Variants in ARID1B observed in about 807,000 individuals in gnomAD.
The protein encoded by ARID1B is AT-rich interaction domain 1B, also known as AT-rich interactive domain-containing protein 1B.
A neutral mutation model predicts 212.3 loss-of-function variants in ARID1B; 30 were observed. The ratio of observed to expected loss-of-function variants is 0.14; its 90% CI spans 0.11 to 0.19. The LOEUF is 0.19. Ranked by LOEUF, ARID1B falls within the 10% of genes least tolerant of loss-of-function variation. The pLI is 1.00. For synonymous variants in ARID1B, 1,402 were observed against 1,301.7 expected (o/e 1.08, Z -1.66); for missense variants, 2,891 against 3,204.0 (o/e 0.90, Z 2.36).
At chr6:156,908,176 C>G (rs1789561575) in intron 3 of ARID1B, among the ~76,000 whole-genome samples, 1 of 152,140 alleles carries the variant, frequency 6.6e-6, no homozygotes, top group African/African-American at 2.4e-5. Context: ...GCTGGGATTA[C>G]AGGCATGAAC....
chr6:156,916,956 C>T (rs1790406657), intron 3 of ARID1B, among the ~76,000 whole-genome samples: 2 of 152,186 alleles, frequency 1.3e-5, no homozygotes, highest in Non-Finnish European at 2.9e-5. Flanking sequence ...AGGGGGCTGT[C>T]TGTCAGTACC....
intron 8 of ARID1B, among the ~76,000 whole-genome samples, chr6:157,157,632 AG>A (rs1790660381): frequency 6.6e-6 from 1 of 152,220 alleles, no homozygotes; most frequent in Non-Finnish European, 1.5e-5. Flanking sequence ...AGTAGCAGTA[AG>A]GAGTATGAGA....
At chr6:156,808,782 A>G (rs1180943513) in intron 1 of ARID1B, among the ~76,000 whole-genome samples, 5 of 152,212 alleles carry the variant, frequency 3.3e-5, no homozygotes, top group Admixed American at 2.0e-4. Context: ...TAAAATATCA[A>G]TGCTCTTATT....
intron 2 of ARID1B, among the ~76,000 whole-genome samples, chr6:156,855,195 T>C (rs1784832158): frequency 6.6e-6 from 1 of 152,246 alleles, no homozygotes; most frequent in Admixed American, 6.5e-5. Context: ...GTAATACTAT[T>C]ATCTAAGTTA....
At chr6:157,074,209 A>T (rs1583260093) in intron 4 of ARID1B, among the ~76,000 whole-genome samples, 1 of 152,112 alleles carries the variant, frequency 6.6e-6, no homozygotes, top group East Asian at 1.9e-4. Context: ...AGATTTTCAG[A>T]TTGTTTTTTG....
Position 157,084,721 on chromosome 6 carries a change from A to C in ARID1B, c.2307A>C (p.Ala769=), listed in dbSNP as rs376143843. The C allele has an allele frequency of 1.5e-5, 25 of 1,614,040 alleles. No homozygotes were observed. In the African/African-American group the frequency reaches 2.9e-4, roughly 19 times the overall value. The change falls in exon 5 of 20, where the codon GCA becomes GCC. Residue 769 remains alanine, a synonymous_variant. Coordinates refer to ENST00000636930, the MANE Select transcript of ARID1B (RefSeq NM_001374828.1). ...PTGTEATLSS[A]VSASGSTSSQ... is the part of the protein sequence containing the mutation. ...GAACGGAAGCAACTTTGAGCTCAGC[A>C]GTCAGTGCATCCGGGTCCACGAGCA...
At position 156,895,196 on chromosome 6, in the gene ARID1B, G is replaced by T. The variant is rs188357640; in HGVS notation, c.1987-6180G>T. 2.6e-3 allele frequency among the ~76,000 whole-genome samples: 397 copies of T among 152,306 alleles called. 1 individual carries two copies. Among genetic ancestry groups the T allele is most frequent in the South Asian group, 3.3e-3 (16 of 4,822 alleles). On this transcript the variant is annotated intron_variant, in intron 2 of 19. Transcript: ENST00000636930. ...TTTTTAAATTATAGAACTCATTTCT[G>T]TGTGATATTCTATAGAATTAGTGTC...
chr6:156,815,640 CAT>C (rs761769655), intron 1 of ARID1B, among the ~76,000 whole-genome samples: 15 of 152,178 alleles, frequency 9.9e-5, no homozygotes, highest in Non-Finnish European at 1.8e-4. Flanking sequence ...CAAAGCTTCA[CAT>C]GAGAGGCCCA....
Position 157,203,980 on chromosome 6 carries a change from C to A in ARID1B, c.5378C>A (p.Thr1793Asn). 1 of 1,614,076 alleles carries A rather than the reference C, an allele frequency of 6.2e-7. No homozygotes were observed. Among genetic ancestry groups the A allele is most frequent in the Admixed American group, 1.7e-5 (1 of 60,018 alleles). ...CTGTATGATGACAGCACTGTTGCTA[C>A]TTTCAATCTCTCCCAGGTAAGCCAG... Reference protein sequence around the residue: ...ILLYDDSTVATFNLSQLSGFL... With the variant: ...ILLYDDSTVANFNLSQLSGFL... The change falls in exon 19 of 20, where the codon ACT becomes AAT. Residue 1793 changes from threonine to asparagine, a missense_variant. Around this residue, in one of 7 missense-constraint regions of ARID1B, gnomAD observed 332 missense variants for 369.2 expected, o/e 0.90. Transcript: ENST00000636930. The surrounding 1 kb of genome is among the most constrained non-coding windows in gnomAD (Gnocchi z 4.4).
At chr6:156,961,191 C>T (rs955220915) in intron 4 of ARID1B, among the ~76,000 whole-genome samples, 1 of 152,238 alleles carries the variant, frequency 6.6e-6, no homozygotes, top group Non-Finnish European at 1.5e-5. Flanking sequence ...CAGGTGCGTG[C>T]TCTGCGACAG....
intron 5 of ARID1B, among the ~76,000 whole-genome samples, chr6:157,086,343 C>G (rs1433031191): frequency 6.6e-6 from 1 of 152,110 alleles, no homozygotes; most frequent in Non-Finnish European, 1.5e-5. Flanking sequence ...TTTGTAATAA[C>G]CTGGACTTAT....
chr6:157,174,191 G>T (rs1321469208), intron 10 of ARID1B, 74 bp downstream of exon 10: 83 of 1,337,654 alleles, frequency 6.2e-5, no homozygotes, highest in Non-Finnish European at 8.3e-5. Context: ...CTCTTCACTG[G>T]TGTTGGCCGA....
chr6:156,790,810 G>A (rs1779960290), intron 1 of ARID1B, among the ~76,000 whole-genome samples: 1 of 152,210 alleles, frequency 6.6e-6, no homozygotes, highest in Non-Finnish European at 1.5e-5. Flanking sequence ...TATATGGCAA[G>A]ACTCTGTCCT....
At chr6:156,910,646 G>C (rs184498427) in intron 3 of ARID1B, among the ~76,000 whole-genome samples, 12 of 152,130 alleles carry the variant, frequency 7.9e-5, no homozygotes, top group Admixed American at 7.8e-4. Flanking sequence ...ATTAGAAAAC[G>C]CATTTTATCC....
chr6:156,936,954 C>T (rs1354479868), intron 4 of ARID1B: 1 of 152,158 alleles, frequency 6.6e-6, no homozygotes, highest in Non-Finnish European at 1.5e-5. Flanking sequence ...GTGATGACCA[C>T]AGGATGTCTA....
In ARID1B at chr6:157,039,674, C is replaced by CTTCCTTCCTTCTTTCTTTCTTTCTTTCT. The variant is rs1781641696; in HGVS notation, c.2248-44977_2248-44976insTTTCTTTCTTTCTTTCTTTCCTTCCTTC. 1.4e-3 allele frequency among the ~76,000 whole-genome samples: 106 copies of CTTCCTTCCTTCTTTCTTTCTTTCTTTCT among 76,992 alleles called. 2 individuals carry two copies. Among genetic ancestry groups the CTTCCTTCCTTCTTTCTTTCTTTCTTTCT allele is most frequent in the African/African-American group, 6.4e-3 (103 of 15,974 alleles). 50.5% of individuals were successfully genotyped at this position (76,992 alleles called of 152,430 possible). A position where few individuals can be genotyped will look rare whatever the true frequency, so the allele number is the denominator to read the frequency against. On this transcript the variant is annotated intron_variant, in intron 4 of 19. Coordinates refer to ENST00000636930, the MANE Select transcript of ARID1B (RefSeq NM_001374828.1). The stretch of plus-strand genomic sequence containing the variant: ...CCTTCCTTCCTTCCTTCCTTCCTTC[C>CTTCCTTCCTTCTTTCTTTCTTTCTTTCT]TTCCTTCCTTCCTTCCTTCCTTCTT...
chr6:156,899,404 T>TA (rs1173655043), intron 2 of ARID1B, among the ~76,000 whole-genome samples: 1 of 152,222 alleles, frequency 6.6e-6, no homozygotes. Context: ...TCTGTGCTGT[T>TA]ACAGGTTTCC....
chr6:156,881,873 G>A (rs919589092), intron 2 of ARID1B, among the ~76,000 whole-genome samples: 2 of 152,138 alleles, frequency 1.3e-5, no homozygotes, highest in Non-Finnish European at 1.5e-5. Context: ...TGTAGCATTG[G>A]GGGAAGCCCT....
At chr6:157,140,503 C>T in intron 7 of ARID1B, 1 of 397,222 alleles carries the variant, frequency 2.5e-6, no homozygotes, top group Non-Finnish European at 4.4e-6. Context: ...TTGCCTATTC[C>T]TTGGCTGATT....
Sources: gnomAD v4.1 joint callset for allele counts (sites outside exome capture counted in the v4.1 genomes callset) on GRCh38, gnomAD v4.1.1 for gene constraint, gnomAD v4.1.1 regional missense constraint, Gnocchi (gnomAD v3.1) non-coding constraint, MANE v1.5 for transcripts, NCBI Gene and HGNC (gene_info 2026-07-23, HGNC 2026-07-21) for gene names.